Variants in CSMD1 observed in about 807,000 individuals in gnomAD.
CSMD1 encodes CUB and Sushi multiple domains 1.
A neutral mutation model predicts 417.5 loss-of-function variants in CSMD1; 213 were observed. That is an observed-to-expected ratio of 0.51 (90% CI 0.46 to 0.57). The LOEUF (loss-of-function observed/expected upper bound fraction) is 0.57, where lower values mean the gene tolerates loss of function less well. Ranked by LOEUF, CSMD1 falls within the 20% of genes least tolerant of loss-of-function variation. CSMD1 has a pLI of 0.00. For missense variants in CSMD1, 6,923 were observed against 4,529.7 expected (o/e 1.53, Z -15.17); for synonymous variants, 2,862 against 1,736.8 (o/e 1.65, Z -16.11).
At chr8:4,862,186 C>T (rs1212493489) in intron 1 of CSMD1, among the ~76,000 whole-genome samples, 1 of 151,814 alleles carries the variant, frequency 6.6e-6, no homozygotes, top group African/African-American at 2.4e-5. Context: ...GTTTATTGTT[C>T]CTTGAACCTC....
chr8:4,664,264 G>A (rs531006948), intron 1 of CSMD1, among the ~76,000 whole-genome samples: 1 of 152,208 alleles, frequency 6.6e-6, no homozygotes, highest in Non-Finnish European at 1.5e-5. Context: ...TGACTAGTAA[G>A]AAGAGATTTT....
chr8:3,884,771 A>G (rs1206244150), intron 5 of CSMD1, among the ~76,000 whole-genome samples: 2 of 152,084 alleles, frequency 1.3e-5, no homozygotes, highest in East Asian at 1.9e-4. Context: ...TCTAATCCCA[A>G]TAGTATTCAC....
At chr8:4,448,584 G>A (rs1488542258) in intron 2 of CSMD1, among the ~76,000 whole-genome samples, 10 of 152,140 alleles carry the variant, frequency 6.6e-5, no homozygotes, top group Non-Finnish European at 1.5e-5. Flanking sequence ...CCTGTATTGT[G>A]CAATTTTAAA....
intron 8 of CSMD1, among the ~76,000 whole-genome samples, chr8:3,611,735 A>T (rs1801904083): frequency 6.6e-6 from 1 of 152,130 alleles, no homozygotes; most frequent in African/African-American, 2.4e-5. Context: ...TTTTGTAAAT[A>T]ATGTATAGGA....
At chr8:2,999,937 G>T (rs1023046951) in intron 53 of CSMD1, 21 bp downstream of exon 53, 3 of 1,582,474 alleles carry the variant, frequency 1.9e-6, no homozygotes, top group Non-Finnish European at 1.7e-6. Context: ...CGATGAATTC[G>T]TCCACAAAGA....
intron 3 of CSMD1, among the ~76,000 whole-genome samples, chr8:4,042,262 G>GA (rs1202583916): frequency 6.6e-6 from 1 of 152,206 alleles, no homozygotes; most frequent in African/African-American, 2.4e-5. Flanking sequence ...CAGCAATGAA[G>GA]AAAAAATCTT....
intron 1 of CSMD1, among the ~76,000 whole-genome samples, chr8:4,913,147 C>T (rs1303504324): frequency 4.6e-5 from 7 of 152,194 alleles, no homozygotes; most frequent in Non-Finnish European, 8.8e-5. Context: ...GAGTCCACCA[C>T]TCAGAACAGG....
At position 3,513,338 on chromosome 8, in the gene CSMD1, A is replaced by ATT. The variant is rs56387019; in HGVS notation, c.1345-19614_1345-19613dup. On this transcript the variant is annotated intron_variant, in intron 10 of 69. Transcript: ENST00000635120. ...TCCTGGCTTTGTCACTTGCCCACAG[A>ATT]TTTTTTTTTTTTTTTGAGATGGAGT... 1.8e-4 allele frequency among the ~76,000 whole-genome samples: 25 copies of ATT among 141,584 alleles called. 1 individual carries two copies. The highest frequency in any genetic ancestry group is 4.6e-4 in the South Asian group (2 of 4,394). The allele number at this position is 141,584 out of a possible 152,430, so 92.9% of individuals were successfully genotyped here. A position where few individuals can be genotyped will look rare whatever the true frequency, so the allele number is the denominator to read the frequency against.
intron 2 of CSMD1, among the ~76,000 whole-genome samples, chr8:4,471,663 C>T (rs992456418): frequency 2.0e-5 from 3 of 152,072 alleles, no homozygotes; most frequent in Non-Finnish European, 2.9e-5. Flanking sequence ...AATGCTCACC[C>T]TGGTTGAGGA....
At chr8:3,167,224 G>C (rs2129042312) in intron 37 of CSMD1, among the ~76,000 whole-genome samples, 1 of 150,636 alleles carries the variant, frequency 6.6e-6, no homozygotes, top group African/African-American at 2.4e-5. Context: ...GGCGGAGGTT[G>C]CAGTGAGCCG....
intron 3 of CSMD1, among the ~76,000 whole-genome samples, chr8:4,387,406 G>T (rs1409330591): frequency 1.3e-5 from 2 of 151,726 alleles, no homozygotes; most frequent in Non-Finnish European, 2.9e-5. Flanking sequence ...TATTTTAAAA[G>T]AATTAAGTAA....
chr8:3,396,163 T>C, intron 17 of CSMD1, 31 bp downstream of exon 17: 2 of 1,540,432 alleles, frequency 1.3e-6, no homozygotes, highest in South Asian at 1.2e-5. Context: ...CATGCTGCCC[T>C]GCCGGGCTGT....
intron 2 of CSMD1, among the ~76,000 whole-genome samples, chr8:4,488,600 G>C (rs1801535791): frequency 6.6e-6 from 1 of 151,972 alleles, no homozygotes; most frequent in South Asian, 2.1e-4. Flanking sequence ...TTCAATTCCT[G>C]TGCTTTAACA....
chr8:3,600,564 C>G (rs772656194), intron 8 of CSMD1, among the ~76,000 whole-genome samples: 1 of 152,164 alleles, frequency 6.6e-6, no homozygotes, highest in South Asian at 2.1e-4. Flanking sequence ...CTCCCATTTA[C>G]TCACCCAGCT....
intron 3 of CSMD1, among the ~76,000 whole-genome samples, chr8:4,374,680 G>A (rs1201856325): frequency 1.3e-5 from 2 of 152,124 alleles, no homozygotes; most frequent in Non-Finnish European, 2.9e-5. Context: ...GATTATAAAG[G>A]TGGCATTTAG....
At chr8:4,127,439 T>G (rs1802829500) in intron 3 of CSMD1, among the ~76,000 whole-genome samples, 1 of 130,518 alleles carries the variant, frequency 7.7e-6, no homozygotes, top group South Asian at 2.5e-4. Context: ...GGACACAGTT[T>G]TCCAAGCATT....
At chr8:4,590,971 C>G (rs1264713775) in intron 2 of CSMD1, among the ~76,000 whole-genome samples, 1 of 152,192 alleles carries the variant, frequency 6.6e-6, no homozygotes, top group Non-Finnish European at 1.5e-5. Context: ...TGGTTGCTGT[C>G]TTATTTTAGT....
At chr8:4,625,762 C>G (rs1271007072) in intron 2 of CSMD1, among the ~76,000 whole-genome samples, 1 of 152,068 alleles carries the variant, frequency 6.6e-6, no homozygotes, top group South Asian at 2.1e-4. Context: ...CTGGTTCTGT[C>G]GCCCAGGTTG....
chr8:4,066,922 A>G (rs1799282023), intron 3 of CSMD1, among the ~76,000 whole-genome samples: 1 of 152,246 alleles, frequency 6.6e-6, no homozygotes, highest in East Asian at 1.9e-4. Flanking sequence ...AAGTAAAGTG[A>G]CAAATGCTAT....
Sources: gnomAD v4.1 joint callset for allele counts (sites outside exome capture counted in the v4.1 genomes callset) on GRCh38, gnomAD v4.1.1 for gene constraint, MANE v1.5 for transcripts, NCBI Gene and HGNC (gene_info 2026-07-23, HGNC 2026-07-21) for gene names.